ABCB11: variants seen among roughly 807,000 people sequenced by gnomAD.
ABCB11 encodes bile salt export pump.
A neutral mutation model predicts 148.0 loss-of-function variants in ABCB11; 95 were observed. That is an observed-to-expected ratio of 0.64 (90% CI 0.54 to 0.76). The LOEUF is 0.76. Ranked by LOEUF, ABCB11 falls within the 30% of genes least tolerant of loss-of-function variation. ABCB11 has a pLI of 0.00. For missense variants in ABCB11, 1,523 were observed against 1,617.8 expected, an observed-to-expected ratio of 0.94 and a Z score of 1.01; for synonymous variants, 591 against 555.4, an observed-to-expected ratio of 1.06 and a Z score of -0.90.
chr2:168,969,665 C>G lies in ABCB11; in HGVS notation c.1810-114G>C. On this transcript the variant is annotated intron_variant, in intron 15 of 27. Coordinates refer to ENST00000650372, the MANE Select transcript of ABCB11 (RefSeq NM_003742.4). ...TAGATCCTTGGTCCCTGGGAATATT[C>G]TTAAATAGGCTGTGCAGACATTAGA... The G allele has an allele frequency of 3.2e-6, 3 of 938,308 alleles. No homozygotes were observed. The East Asian group carries it at 7.9e-5, about 25-fold the overall frequency. The allele number at this position is 938,308 out of a possible 1,614,324, so 58.1% of individuals were successfully genotyped here. A position where few individuals can be genotyped will look rare whatever the true frequency, so the allele number is the denominator to read the frequency against.
At chr2:168,926,914 T>C (rs940767751) in intron 26 of ABCB11, among the ~76,000 whole-genome samples, 1 of 152,188 alleles carries the variant, frequency 6.6e-6, no homozygotes, top group Admixed American at 6.5e-5. Flanking sequence ...ATTCCTATAA[T>C]ATTTTTAATA....
At chr2:168,925,575 G>C (rs1263696194) in intron 26 of ABCB11, among the ~76,000 whole-genome samples, 2 of 152,158 alleles carry the variant, frequency 1.3e-5, no homozygotes, top group Admixed American at 1.3e-4. Flanking sequence ...AATGGTGCGA[G>C]GACAAGTAAC....
intron 17 of ABCB11, among the ~76,000 whole-genome samples, 181 bp downstream of exon 17, chr2:168,968,246 A>G (rs1219420853): frequency 1.3e-5 from 2 of 151,916 alleles, no homozygotes; most frequent in African/African-American, 2.4e-5. Flanking sequence ...AAACCCATGA[A>G]TTGGGGAGAG....
chr2:168,969,293 G>T, intron 16 of ABCB11, 57 bp downstream of exon 16: 1 of 1,472,394 alleles, frequency 6.8e-7, no homozygotes. Flanking sequence ...AAACCGTAAA[G>T]CACTATAGAC....
At chr2:168,975,993 G>A (rs559532866) in intron 12 of ABCB11, among the ~76,000 whole-genome samples, 12 of 152,020 alleles carry the variant, frequency 7.9e-5, no homozygotes, top group African/African-American at 2.9e-4. Context: ...TTTTCTTGTA[G>A]AGTAAATTGC....
rs1034148630 is a variant in ABCB11, at chr2:168,927,280, A to G, written c.3494T>C (p.Leu1165Ser). ...NIGIVSQEPV[L>S]FACSIMDNIK... is the part of the protein sequence containing the mutation. ...ATTGTCCATTATGCTACAGGCAAAC[A>G]ACACTGGTTCCTGGGAAACAATTCC... Residue 1165 changes from leucine (L) to serine (S), a missense_variant, in exon 26 of 28, where the codon TTG (leucine) becomes TCG (serine). Leu to Ser is a moderately radical substitution (Grantham distance 145). Coordinates refer to ENST00000650372, the MANE Select transcript of ABCB11 (RefSeq NM_003742.4). The G allele has an allele frequency of 3.1e-6, 5 of 1,613,802 alleles. No individual in the cohort carries two copies. In the African/African-American group the frequency reaches 6.7e-5, roughly 22 times the overall value.
At chr2:168,977,628 A>C (rs191095279) in intron 11 of ABCB11, among the ~76,000 whole-genome samples, 1 of 152,312 alleles carries the variant, frequency 6.6e-6, no homozygotes, top group Admixed American at 6.5e-5. Flanking sequence ...CGCTATAAAG[A>C]ATACCTGAGA....
chr2:169,027,962 G>T (rs1695751254), intron 1 of ABCB11, among the ~76,000 whole-genome samples: 1 of 152,112 alleles, frequency 6.6e-6, no homozygotes, highest in Admixed American at 6.5e-5. Context: ...ATCCTTCTGG[G>T]CTGAAAGATA....
intron 5 of ABCB11, among the ~76,000 whole-genome samples, chr2:169,004,933 C>T (rs1416545350): frequency 6.6e-6 from 1 of 152,038 alleles, no homozygotes; most frequent in African/African-American, 2.4e-5. Context: ...TGGGTCTAGC[C>T]ACCCAGCAAA....
In ABCB11 at chr2:168,985,897, C is replaced by A. The variant is rs146292839; in HGVS notation, c.1083+213G>T. Among the ~76,000 whole-genome samples the A allele has an allele frequency of 0.023, 3,422 of 152,006 alleles. 123 individuals are homozygous for A. The highest frequency in any genetic ancestry group is 0.077 in the African/African-American group (3,205 of 41,442). On this transcript the variant is annotated intron_variant, in intron 10 of 27. Transcript: ENST00000650372. Reference sequence around the variant, plus strand: ...AATCTCACAAATCACCACTAAAGGACTTACTCATGTAACTAAATACCACCT... The same window carrying A: ...AATCTCACAAATCACCACTAAAGGAATTACTCATGTAACTAAATACCACCT...
chr2:168,939,393 G>T (rs1325346936), intron 21 of ABCB11, among the ~76,000 whole-genome samples: 1 of 151,938 alleles, frequency 6.6e-6, no homozygotes, highest in African/African-American at 2.4e-5. Flanking sequence ...GAAAAACTTT[G>T]TACATTGTAT....
chr2:168,924,814 GT>G lies in ABCB11; in HGVS notation c.3619-12del, dbSNP rs769436751. ...GTTAGTTTCATATTTCTGAAAAAAA[GT>G]ATGATAAGTTTGAGAAATAGAAACA... On this transcript the variant is annotated splice_polypyrimidine_tract_variant and intron_variant, in intron 26 of 27. Coordinates refer to ENST00000650372, the MANE Select transcript of ABCB11 (RefSeq NM_003742.4). 1.2e-6 allele frequency: 2 copies of G among 1,609,690 alleles called. No homozygotes were observed. The highest frequency in any genetic ancestry group is 1.3e-5 in the African/African-American group (1 of 74,806).
intron 12 of ABCB11, among the ~76,000 whole-genome samples, 153 bp downstream of exon 12, chr2:168,976,424 G>A (rs773331602): frequency 6.6e-6 from 1 of 152,084 alleles, no homozygotes; most frequent in Non-Finnish European, 1.5e-5. Flanking sequence ...CCTGAGATAA[G>A]CCAACACCCG....
intron 18 of ABCB11, among the ~76,000 whole-genome samples, chr2:168,960,999 G>A (rs865812309): frequency 3.4e-4 from 52 of 151,806 alleles, no homozygotes; most frequent in African/African-American, 1.1e-3. Flanking sequence ...AGAAATGCCT[G>A]TCAGCAGCTC....
intron 21 of ABCB11, among the ~76,000 whole-genome samples, chr2:168,942,609 G>A (rs1692120457): frequency 6.6e-6 from 1 of 151,780 alleles, no homozygotes; most frequent in Admixed American, 6.6e-5. Context: ...AACTAAGAGT[G>A]TAATTGGATT....
chr2:168,920,877 C>G lies in ABCB11; in HGVS notation c.*2745G>C, dbSNP rs1331267879. ...CCTCAATTATTTCCCCAATTTCAAGCCCTCTTTAGACAATCTTTTCCCTGT... is the reference window on the plus strand; with the variant it reads ...CCTCAATTATTTCCCCAATTTCAAGGCCTCTTTAGACAATCTTTTCCCTGT... On this transcript the variant is annotated 3_prime_UTR_variant, in exon 28 of 28. Coordinates refer to ENST00000650372, the MANE Select transcript of ABCB11 (RefSeq NM_003742.4). Among the ~76,000 whole-genome samples the G allele has an allele frequency of 6.6e-6, 1 of 152,174 alleles. No individual in the cohort carries two copies. The highest frequency in any genetic ancestry group is 1.5e-5 in the Non-Finnish European group (1 of 68,030).
At chr2:168,954,158 G>A (rs1252484329) in intron 19 of ABCB11, among the ~76,000 whole-genome samples, 2 of 151,562 alleles carry the variant, frequency 1.3e-5, no homozygotes, top group African/African-American at 4.8e-5. Context: ...ATTGATATGT[G>A]AGGCTTTGTT....
chr2:168,987,776 A>G (rs1195980973), intron 9 of ABCB11, among the ~76,000 whole-genome samples: 1 of 152,218 alleles, frequency 6.6e-6, no homozygotes, highest in Non-Finnish European at 1.5e-5. Flanking sequence ...AAGAACATGT[A>G]GCACAGTACC....
At chr2:168,935,719 A>T (rs941568407) in intron 22 of ABCB11, among the ~76,000 whole-genome samples, 2 of 152,220 alleles carry the variant, frequency 1.3e-5, no homozygotes, top group African/African-American at 4.8e-5. Flanking sequence ...TAAAATGTGT[A>T]GCTAAAACCT....
Sources: gnomAD v4.1 joint callset for allele counts (sites outside exome capture counted in the v4.1 genomes callset) on GRCh38, gnomAD v4.1.1 for gene constraint, MANE v1.5 for transcripts, NCBI Gene and HGNC (gene_info 2026-07-23, HGNC 2026-07-21) for gene names.